SLC38A12: variants seen among roughly 807,000 people sequenced by gnomAD.
SLC38A12 encodes putative sodium-coupled neutral amino acid transporter 12.
At chr17:74,836,499 T>C in the SLC38A12 span, 4 of 1,611,802 alleles carry the variant, frequency 2.5e-6, no homozygotes, top group Non-Finnish European at 3.4e-6. The surrounding 1 kb of genome is among the most constrained non-coding windows in gnomAD (Gnocchi z 4.2). Context: ...CGGCATCCAG[T>C]ACGTCATCCC....
At chr17:74,776,546 A>G in the SLC38A12 span, 2 of 145,734 alleles carry the variant, frequency 1.4e-5, no homozygotes, top group Middle Eastern at 3.2e-3. Context: ...GACCGGCGGG[A>G]GACGGCGGCT....
At chr17:74,801,091 A>G in the SLC38A12 span, among the ~76,000 whole-genome samples, 2 of 152,272 alleles carry the variant, frequency 1.3e-5, no homozygotes, top group African/African-American at 4.8e-5. Flanking sequence ...AGGGTCGGGG[A>G]CATCCAAGTG....
the SLC38A12 span, among the ~76,000 whole-genome samples, chr17:74,800,064 C>T: frequency 6.6e-6 from 1 of 152,220 alleles, no homozygotes; most frequent in South Asian, 2.1e-4. Context: ...CCTGGGATCC[C>T]GGAGCTGAAG....
the SLC38A12 span, among the ~76,000 whole-genome samples, chr17:74,827,175 C>A: frequency 1.2e-3 from 183 of 152,044 alleles, 1 homozygote; most frequent in Admixed American, 4.1e-3. This position sits in a 1 kb window ranked among gnomAD's most constrained non-coding sequence, Gnocchi z 4.7. Context: ...TCAGCAGGGG[C>A]AATGGGTTTC....
the SLC38A12 span, among the ~76,000 whole-genome samples, chr17:74,816,607 G>C: frequency 6.6e-6 from 1 of 152,182 alleles, no homozygotes; most frequent in African/African-American, 2.4e-5. Context: ...TACTCTCCTG[G>C]GTCCGTCCCG....
chr17:74,814,732 C>T, the SLC38A12 span, among the ~76,000 whole-genome samples: 1 of 152,168 alleles, frequency 6.6e-6, no homozygotes, highest in Non-Finnish European at 1.5e-5. Context: ...GGCACTCCCC[C>T]CACCAAATGC....
chr17:74,782,547 C>A, the SLC38A12 span, among the ~76,000 whole-genome samples: 1 of 152,182 alleles, frequency 6.6e-6, no homozygotes, highest in Non-Finnish European at 1.5e-5. Context: ...ATGACCCCTT[C>A]CCACCCTTGT....
the SLC38A12 span, among the ~76,000 whole-genome samples, chr17:74,788,072 G>A: frequency 6.6e-6 from 1 of 152,096 alleles, no homozygotes; most frequent in African/African-American, 2.4e-5. Flanking sequence ...GGGTTTACAG[G>A]CATGAGCCAC....
the SLC38A12 span, among the ~76,000 whole-genome samples, chr17:74,801,613 C>G: frequency 2.6e-5 from 4 of 152,154 alleles, no homozygotes; most frequent in Admixed American, 6.5e-5. Context: ...GTTTCTTCCC[C>G]GCACCCCAAA....
chr17:74,790,146 C>G, the SLC38A12 span: 1 of 1,461,974 alleles, frequency 6.8e-7, no homozygotes, highest in South Asian at 1.1e-5. Flanking sequence ...TGATGTGCTC[C>G]TTTCTTTTCC....
the SLC38A12 span, among the ~76,000 whole-genome samples, chr17:74,786,891 A>G: frequency 6.6e-6 from 1 of 152,162 alleles, no homozygotes; most frequent in African/African-American, 2.4e-5. Context: ...CAGCACAGGC[A>G]GCCATCTAAT....
At chr17:74,777,189 A>AG in the SLC38A12 span, 2 of 866,716 alleles carry the variant, frequency 2.3e-6, no homozygotes, top group Non-Finnish European at 3.8e-6. Flanking sequence ...CAGAGGTGGC[A>AG]GGGGAAGTCT....
At chr17:74,836,576 G>T in the SLC38A12 span, 1 of 1,613,200 alleles carries the variant, frequency 6.2e-7, no homozygotes, top group Non-Finnish European at 8.5e-7. The surrounding 1 kb of genome is among the most constrained non-coding windows in gnomAD (Gnocchi z 4.2). Flanking sequence ...TCAGCAACAA[G>T]CACAGGTCCC....
the SLC38A12 span, chr17:74,795,564 A>G: frequency 6.2e-7 from 1 of 1,614,060 alleles, no homozygotes; most frequent in East Asian, 2.2e-5. Flanking sequence ...GGAAGCAGAC[A>G]CCAAATACAA....
chr17:74,812,495 A>G, the SLC38A12 span, among the ~76,000 whole-genome samples: 1 of 152,106 alleles, frequency 6.6e-6, no homozygotes, highest in Admixed American at 6.5e-5. Flanking sequence ...TTCACTTCCC[A>G]TTTAGGGACG....
chr17:74,795,514 T>A, the SLC38A12 span: 1 of 1,613,022 alleles, frequency 6.2e-7, no homozygotes, highest in South Asian at 1.1e-5. Flanking sequence ...GCTGTCATTC[T>A]CTTTATCAGC....
At chr17:74,800,151 A>G in the SLC38A12 span, among the ~76,000 whole-genome samples, 2 of 152,226 alleles carry the variant, frequency 1.3e-5, 1 homozygote, top group South Asian at 4.1e-4. Context: ...CCACTTGCCC[A>G]AGACTCAGTT....
the SLC38A12 span, chr17:74,837,428 A>C: frequency 1.0e-6 from 1 of 985,522 alleles, no homozygotes; most frequent in Non-Finnish European, 1.2e-6. Flanking sequence ...TTGTCTCTGA[A>C]AGGGACCGTC....
the SLC38A12 span, among the ~76,000 whole-genome samples, chr17:74,830,327 C>G: frequency 5.9e-5 from 9 of 152,218 alleles, no homozygotes; most frequent in African/African-American, 2.2e-4. Context: ...CCCTTATAAA[C>G]CAGCGCCACC....
Sources: allele counts gnomAD v4.1 joint callset (sites outside exome capture counted in the v4.1 genomes callset), GRCh38; gene constraint gnomAD v4.1.1; non-coding constraint Gnocchi (gnomAD v3.1); transcripts MANE v1.5; gene names NCBI Gene and HGNC (gene_info 2026-07-23, HGNC 2026-07-21).